The following CDH13 variants were observed in gnomAD, a reference collection of about 807,000 sequenced individuals.
CDH13 encodes the protein cadherin 13, also known as cadherin-13.
CDH13 carries 24 observed loss-of-function variants against 63.8 expected under a neutral mutation model. The ratio of observed to expected loss-of-function variants is 0.38; its 90% CI spans 0.27 to 0.53. The LOEUF (loss-of-function observed/expected upper bound fraction) is 0.53. Among genes scored for constraint, CDH13 ranks in the 20% least tolerant of loss-of-function variants. The pLI, the probability that CDH13 is intolerant of heterozygous loss-of-function variation, is 0.85. For synonymous variants in CDH13, 503 were observed against 355.3 expected (o/e 1.42, Z -4.67); for missense variants, 1,049 against 903.1 (o/e 1.16, Z -2.07).
intron 1 of CDH13, among the ~76,000 whole-genome samples, chr16:82,673,019 T>TTTTTTTTTTTTA (rs59558350): frequency 6.9e-6 from 1 of 145,372 alleles, no homozygotes; most frequent in Non-Finnish European, 1.5e-5. Flanking sequence ...TTTTTTTTTT[T>TTTTTTTTTTTTA]GTAGAGATGA....
rs183202405 is a variant in CDH13 at position 82,688,321 on chromosome 16, C to G, written c.45+61184C>G. On this transcript the variant is annotated intron_variant, in intron 1 of 13. Transcript: ENST00000567109. ...CTAAGCCCCTAAATACACAAAAGCG[C>G]TAAGGCAAACCATATGCCTTAGGCT... is the stretch of plus-strand genomic sequence containing the variant. Among the ~76,000 whole-genome samples, 7 of 152,316 alleles carry G rather than the reference C, an allele frequency of 4.6e-5. No homozygotes were observed. In the East Asian group the frequency reaches 5.8e-4, roughly 13 times the overall value.
At chr16:83,717,023 G>A (rs1359081922) in intron 10 of CDH13, 1 of 150,716 alleles carries the variant, frequency 6.6e-6, no homozygotes, top group African/African-American at 2.6e-5. Flanking sequence ...GAAGCAGGTG[G>A]ATTAGTTGAG....
At chr16:83,006,412 C>T (rs1913500194) in intron 2 of CDH13, among the ~76,000 whole-genome samples, 1 of 152,178 alleles carries the variant, frequency 6.6e-6, no homozygotes, top group Non-Finnish European at 1.5e-5. Flanking sequence ...TACTTTCCCC[C>T]AGAATAGCTC....
chr16:83,574,544 C>G, intron 7 of CDH13, among the ~76,000 whole-genome samples: 1 of 152,190 alleles, frequency 6.6e-6, no homozygotes, highest in Non-Finnish European at 1.5e-5. Flanking sequence ...AGGCTCAAAT[C>G]TTGGCCTCAC....
At chr16:83,008,888 C>T (rs563075608) in intron 2 of CDH13, among the ~76,000 whole-genome samples, 1 of 152,132 alleles carries the variant, frequency 6.6e-6, no homozygotes, top group Non-Finnish European at 1.5e-5. Context: ...CTGGGGAGGT[C>T]TCAGGAAAGG....
In CDH13 at chr16:82,709,875, A is replaced by T. The variant is rs1374612151; in HGVS notation, c.45+82738A>T. Among the ~76,000 whole-genome samples the T allele has an allele frequency of 2.0e-5, 3 of 152,128 alleles. No homozygotes were observed. In the South Asian group the frequency reaches 6.2e-4, roughly 31 times the overall value. ...CAACAAAGAAAGGCAAAACAGATAGAGCTGTCCAAAGAAGGAATGGGTTTG... is the reference window on the plus strand; with the variant it reads ...CAACAAAGAAAGGCAAAACAGATAGTGCTGTCCAAAGAAGGAATGGGTTTG... On this transcript the variant is annotated intron_variant, in intron 1 of 13. Transcript: ENST00000567109.
chr16:82,995,963 A>G (rs1357564367), intron 2 of CDH13, among the ~76,000 whole-genome samples: 3 of 152,152 alleles, frequency 2.0e-5, no homozygotes, highest in Non-Finnish European at 2.9e-5. Context: ...TATCAAAACC[A>G]TGCATCGCTG....
chr16:83,210,146 C>G (rs1480446662), intron 4 of CDH13, among the ~76,000 whole-genome samples: 1 of 151,628 alleles, frequency 6.6e-6, no homozygotes. Context: ...CTCACTGCAA[C>G]CTCTGCCTCC....
chr16:83,258,800 C>A (rs772129196), intron 5 of CDH13, among the ~76,000 whole-genome samples: 4 of 152,184 alleles, frequency 2.6e-5, no homozygotes, highest in Non-Finnish European at 5.9e-5. Flanking sequence ...CAGAGCACAT[C>A]GTGACGCTAT....
intron 2 of CDH13, among the ~76,000 whole-genome samples, chr16:83,009,221 T>C (rs763967216): frequency 2.3e-4 from 35 of 152,234 alleles, no homozygotes; most frequent in Non-Finnish European, 4.9e-4. Flanking sequence ...TCTTTTGATA[T>C]TAGCATCCAG....
intron 3 of CDH13, among the ~76,000 whole-genome samples, chr16:83,070,610 A>G (rs2032360625): frequency 6.6e-6 from 1 of 152,182 alleles, no homozygotes; most frequent in Non-Finnish European, 1.5e-5. Context: ...TGACTAATAT[A>G]ATCCAAGTTT....
At chr16:83,574,388 T>G (rs1244366285) in intron 7 of CDH13, among the ~76,000 whole-genome samples, 1 of 152,152 alleles carries the variant, frequency 6.6e-6, no homozygotes, top group Non-Finnish European at 1.5e-5. Context: ...GGGAGAGCCC[T>G]CCAGGCCCTC....
At chr16:83,059,636 A>G (rs1179830272) in intron 3 of CDH13, among the ~76,000 whole-genome samples, 2 of 152,148 alleles carry the variant, frequency 1.3e-5, no homozygotes, top group Non-Finnish European at 2.9e-5. Context: ...ATGACAAGTC[A>G]GTCAGGAGAA....
At chr16:83,329,967 G>C (rs1212469522) in intron 5 of CDH13, among the ~76,000 whole-genome samples, 1 of 152,156 alleles carries the variant, frequency 6.6e-6, no homozygotes, top group Non-Finnish European at 1.5e-5. Context: ...TAACCATTGT[G>C]AATAGTGCTG....
chr16:82,979,558 C>A (rs539541484), intron 2 of CDH13, among the ~76,000 whole-genome samples: 1 of 152,236 alleles, frequency 6.6e-6, no homozygotes, highest in African/African-American at 2.4e-5. Flanking sequence ...CCCTTTTGCT[C>A]AGCACTTCTC....
chr16:82,817,009 C>T (rs1375397631), intron 1 of CDH13, among the ~76,000 whole-genome samples: 1 of 151,928 alleles, frequency 6.6e-6, no homozygotes, highest in Non-Finnish European at 1.5e-5. Context: ...GGGAGCTATC[C>T]CTTAGGAGGA....
intron 2 of CDH13, among the ~76,000 whole-genome samples, chr16:82,947,557 G>T (rs754106076): frequency 1.3e-5 from 2 of 151,726 alleles, no homozygotes; most frequent in Non-Finnish European, 2.9e-5. Flanking sequence ...TAATAAGAAT[G>T]GTACAAAATT....
intron 2 of CDH13, among the ~76,000 whole-genome samples, chr16:82,976,331 T>G (rs55801513): frequency 0.043 from 6,607 of 152,238 alleles, 155 homozygotes; most frequent in Middle Eastern, 0.065. Context: ...TCTTGCTTGG[T>G]GTCCTATGCC....
At chr16:83,258,874 A>T (rs989080659) in intron 5 of CDH13, among the ~76,000 whole-genome samples, 1 of 152,184 alleles carries the variant, frequency 6.6e-6, no homozygotes, top group African/African-American at 2.4e-5. Flanking sequence ...TCACCATCAC[A>T]TTCCACTTCT....
Sources: gnomAD v4.1 joint callset for allele counts (sites outside exome capture counted in the v4.1 genomes callset) on GRCh38, gnomAD v4.1.1 for gene constraint, MANE v1.5 for transcripts, NCBI Gene and HGNC (gene_info 2026-07-23, HGNC 2026-07-21) for gene names.